The following USP24 variants were observed in gnomAD, a reference collection of about 807,000 sequenced individuals.
USP24 encodes ubiquitin carboxyl-terminal hydrolase 24.
In USP24, 97 loss-of-function variants were observed where a neutral mutation model predicts 361.6. That is an observed-to-expected ratio of 0.27 (90% CI 0.23 to 0.32). The LOEUF is 0.32. USP24 is among the 10% of genes least tolerant of loss of function. The pLI, the probability that USP24 is intolerant of heterozygous loss-of-function variation, is 1.00. For synonymous variants in USP24, 1,098 were observed against 1,124.6 expected (o/e 0.98, Z 0.47); for missense variants, 2,353 against 3,165.6 (o/e 0.74, Z 6.16).
At chr1:55,134,707 T>C (rs1245462305) in intron 28 of USP24, among the ~76,000 whole-genome samples, 4 of 152,130 alleles carry the variant, frequency 2.6e-5, no homozygotes, top group African/African-American at 4.8e-5. Context: ...GCAGAGAGCA[T>C]GTGTAATTAA....
intron 1 of USP24, among the ~76,000 whole-genome samples, chr1:55,193,159 G>T (rs564025411): frequency 1.3e-5 from 2 of 152,198 alleles, no homozygotes; most frequent in East Asian, 3.9e-4. Flanking sequence ...ACAACTACTT[G>T]CATAGCATTT....
chr1:55,137,877 C>T lies in USP24; in HGVS notation c.2956G>A (p.Val986Ile). The T allele has an allele frequency of 1.3e-6, 2 of 1,593,988 alleles. No homozygotes were observed. The highest frequency in any genetic ancestry group is 1.8e-4 in the Middle Eastern group (1 of 5,588). ...EAHSNETIGS[V>I]RWKIAKQLCS... ...AACTGCTTGGCTATTTTCCACCGGA[C>T]ACTCCCTATGGTTTCATTACTGTGA... The change falls in exon 27 of 68, where the codon GTC becomes ATC. Residue 986 changes from valine (V) to isoleucine (I), a missense_variant. Coordinates refer to ENST00000294383, the MANE Select transcript of USP24 (RefSeq NM_015306.3).
chr1:55,187,803 C>T (rs943256636), intron 1 of USP24, among the ~76,000 whole-genome samples: 16 of 152,228 alleles, frequency 1.1e-4, no homozygotes, highest in African/African-American at 3.4e-4. Context: ...AAAAAGACAT[C>T]CTATGTTCAT....
rs181753854 is a variant in USP24, at chr1:55,128,926, C to T, written c.3635+551G>A. Among the ~76,000 whole-genome samples the T allele has an allele frequency of 7.4e-3, 1,121 of 151,932 alleles. 8 individuals carry two copies. The highest frequency in any genetic ancestry group is 0.026 in the African/African-American group (1,087 of 41,426). Reference sequence around the variant, plus strand: ...GTAGACATGAGGTCTCACTATGTCGCCCCGTACGATCTCAAACTCTTGGGC... The same window carrying T: ...GTAGACATGAGGTCTCACTATGTCGTCCCGTACGATCTCAAACTCTTGGGC... On this transcript the variant is annotated intron_variant, in intron 32 of 67. Transcript: ENST00000294383.
chr1:55,092,224 A>C, intron 53 of USP24, 98 bp from the exon 54 acceptor site: 2 of 731,646 alleles, frequency 2.7e-6, no homozygotes, highest in Non-Finnish European at 2.2e-6. Context: ...CAATATATGA[A>C]TATGATATAC....
At chr1:55,109,150 G>C (rs904861276) in intron 39 of USP24, among the ~76,000 whole-genome samples, 4 of 152,086 alleles carry the variant, frequency 2.6e-5, no homozygotes, top group African/African-American at 7.2e-5. Context: ...CACCACGCCC[G>C]GCTGATTTTG....
intron 1 of USP24, among the ~76,000 whole-genome samples, chr1:55,202,761 G>C (rs1644609756): frequency 1.3e-5 from 2 of 152,310 alleles, no homozygotes; most frequent in South Asian, 4.1e-4. Context: ...AGCAACTGTG[G>C]ATAGACTCAG....
rs192657390 is a variant in USP24, at chr1:55,113,092, C to T, written c.4509-2846G>A. ...TCAGAGACTAGGATTGCAACCCCTG[C>T]TTTTTTTTGCTTTCCATTTGCTTGG... is the stretch of plus-strand genomic sequence containing the variant. On this transcript the variant is annotated intron_variant, in intron 38 of 67. Transcript: ENST00000294383. Among the ~76,000 whole-genome samples the T allele has an allele frequency of 4.4e-3, 663 of 151,872 alleles. 2 individuals are homozygous for T. Among genetic ancestry groups the T allele is most frequent in the African/African-American group, 0.016 (643 of 41,428 alleles).
chr1:55,073,572 CCT>C (rs1644962829), intron 64 of USP24, among the ~76,000 whole-genome samples: 1 of 152,126 alleles, frequency 6.6e-6, no homozygotes, highest in African/African-American at 2.4e-5. Flanking sequence ...CCATATCTGC[CCT>C]GATTCCTGCC....
chr1:55,068,945 C>A lies in USP24; in HGVS notation c.*100G>T. The A allele has an allele frequency of 3.8e-6, 5 of 1,299,018 alleles. No individual in the cohort carries two copies. Among genetic ancestry groups the A allele is most frequent in the Non-Finnish European group, 5.5e-6 (5 of 907,450 alleles). 80.5% of individuals were successfully genotyped at this position (1,299,018 alleles called of 1,614,324 possible). A position where few individuals can be genotyped will look rare whatever the true frequency, so the allele number is the denominator to read the frequency against. On this transcript the variant is annotated 3_prime_UTR_variant, in exon 68 of 68. Coordinates refer to ENST00000294383, the MANE Select transcript of USP24 (RefSeq NM_015306.3). ...CCAAGTCACAGCAGCTTTCCCAGTCCAATCTCCAGGCTCTTCCAAAGGGTT... is the reference window on the plus strand; with the variant it reads ...CCAAGTCACAGCAGCTTTCCCAGTCAAATCTCCAGGCTCTTCCAAAGGGTT...
chr1:55,212,012 C>T (rs1185858606), intron 1 of USP24, among the ~76,000 whole-genome samples: 1 of 151,980 alleles, frequency 6.6e-6, no homozygotes, highest in Non-Finnish European at 1.5e-5. Flanking sequence ...TGTCCCATTC[C>T]TTTTTCCTTT....
rs558355388 is a variant in USP24, at chr1:55,127,687, G to A, written c.3635+1790C>T. On this transcript the variant is annotated intron_variant, in intron 32 of 67. Transcript: ENST00000294383. ...GAACTAGTTTACAGTCCCACCAACAGTGTAAAAGTGTTCCTATTTCTCCAC... is the reference window on the plus strand; with the variant it reads ...GAACTAGTTTACAGTCCCACCAACAATGTAAAAGTGTTCCTATTTCTCCAC... Among the ~76,000 whole-genome samples, 6 of 152,212 alleles carry A rather than the reference G, an allele frequency of 3.9e-5. No individual in the cohort carries two copies. In the South Asian group the frequency reaches 1.2e-3, roughly 32 times the overall value.
At chr1:55,082,118 G>A (rs1391475645) in intron 58 of USP24, among the ~76,000 whole-genome samples, 1 of 152,162 alleles carries the variant, frequency 6.6e-6, no homozygotes, top group East Asian at 1.9e-4. Flanking sequence ...TCGAAAATCT[G>A]TCTCCCTTAG....
chr1:55,137,702 T>A lies in USP24; in HGVS notation c.3028-14A>T. 1.2e-6 allele frequency: 2 copies of A among 1,607,072 alleles called. No homozygotes were observed. Among genetic ancestry groups the A allele is most frequent in the Non-Finnish European group, 1.7e-6 (2 of 1,176,846 alleles). The stretch of plus-strand genomic sequence containing the variant: ...ATTCACTGTCAGCTGCAAAAAGTGG[T>A]TTCTTAATTATTGAGAGGAAAAGGA... On this transcript the variant is annotated splice_polypyrimidine_tract_variant and intron_variant, in intron 27 of 67. Coordinates refer to ENST00000294383, the MANE Select transcript of USP24 (RefSeq NM_015306.3).
chr1:55,067,290 G>A lies in USP24; in HGVS notation c.*1755C>T, dbSNP rs929247585. The A allele has an allele frequency of 3.3e-5, 5 of 152,156 alleles. No individual in the cohort carries two copies. Among genetic ancestry groups the A allele is most frequent in the Admixed American group, 6.5e-5 (1 of 15,270 alleles). 9.4% of individuals were successfully genotyped at this position (152,156 alleles called of 1,614,324 possible). A position where few individuals can be genotyped will look rare whatever the true frequency, so the allele number is the denominator to read the frequency against. On this transcript the variant is annotated 3_prime_UTR_variant, in exon 68 of 68. Coordinates refer to ENST00000294383, the MANE Select transcript of USP24 (RefSeq NM_015306.3). ...GGAGAGAAGGTGAGAATAGGGTAGG[G>A]GAAACAGTAGGACAGGAAGTATTCA...
intron 34 of USP24, 62 bp downstream of exon 34, chr1:55,125,258 T>A: frequency 6.6e-7 from 1 of 1,521,456 alleles, no homozygotes; most frequent in Non-Finnish European, 9.1e-7. Flanking sequence ...ATAGCACCTC[T>A]TCCTAAACAG....
At chr1:55,139,913 T>C (rs908836466) in intron 24 of USP24, among the ~76,000 whole-genome samples, 1 of 152,088 alleles carries the variant, frequency 6.6e-6, no homozygotes, top group African/African-American at 2.4e-5. Context: ...TCTAAGTCCA[T>C]AATAAGTGAG....
intron 7 of USP24, among the ~76,000 whole-genome samples, chr1:55,163,252 T>G (rs1489747180): frequency 6.6e-6 from 1 of 151,880 alleles, no homozygotes; most frequent in African/African-American, 2.4e-5. Context: ...TTAGAAAACT[T>G]TTAAGACACC....
chr1:55,154,215 G>A lies in USP24; in HGVS notation c.1716C>T (p.Ala572=). Residue 572 remains alanine, a synonymous_variant, in exon 15 of 68, where the codon GCC becomes GCT. Coordinates refer to ENST00000294383, the MANE Select transcript of USP24 (RefSeq NM_015306.3). The stretch of plus-strand genomic sequence containing the variant: ...TAAGGATTGTCAGGTGCTCCTCCAA[G>A]GCCTGCTGAATAAGGCTACTGGGCA... ...PTLPSSLIQQ[A]LEEHLTILSD... 1 of 1,613,512 alleles carries A rather than the reference G, an allele frequency of 6.2e-7. No individual in the cohort carries two copies. The highest frequency in any genetic ancestry group is 8.5e-7 in the Non-Finnish European group (1 of 1,179,682).
Sources: allele counts gnomAD v4.1 joint callset (sites outside exome capture counted in the v4.1 genomes callset), GRCh38; gene constraint gnomAD v4.1.1; transcripts MANE v1.5; gene names NCBI Gene and HGNC (gene_info 2026-07-23, HGNC 2026-07-21).